Variants in DLG2 observed in about 807,000 individuals in gnomAD.
The protein encoded by DLG2 is disks large homolog 2.
Under a neutral mutation model 132.5 loss-of-function variants are expected in DLG2, and 45 were observed. The observed-to-expected ratio is 0.34, with a 90% CI of 0.27 to 0.44. The LOEUF (loss-of-function observed/expected upper bound fraction) is 0.44. Among genes scored for constraint, DLG2 ranks in the 20% least tolerant of loss-of-function variants. The pLI is 1.00. For missense variants in DLG2, 1,045 were observed against 1,196.9 expected (o/e 0.87, Z 1.87); for synonymous variants, 424 against 419.6 (o/e 1.01, Z -0.13).
intron 3 of DLG2, among the ~76,000 whole-genome samples, chr11:85,532,898 C>T (rs183808959): frequency 2.3e-4 from 35 of 151,880 alleles, no homozygotes; most frequent in Middle Eastern, 6.8e-3. Context: ...AAAAATTCCA[C>T]GAAACAAAAA....
At chr11:85,099,097 T>C (rs551339537) in intron 6 of DLG2, among the ~76,000 whole-genome samples, 1 of 152,314 alleles carries the variant, frequency 6.6e-6, no homozygotes, top group East Asian at 1.9e-4. Context: ...TCAAGTGCTG[T>C]TAAAAGTTTT....
intron 19 of DLG2, among the ~76,000 whole-genome samples, chr11:83,573,745 G>T (rs926122916): frequency 1.3e-5 from 2 of 152,230 alleles, no homozygotes; most frequent in East Asian, 3.9e-4. Flanking sequence ...AGCAAACTGA[G>T]CCCTGGTATT....
chr11:84,522,192 A>C (rs2099304754), intron 7 of DLG2, among the ~76,000 whole-genome samples: 1 of 152,048 alleles, frequency 6.6e-6, no homozygotes. Flanking sequence ...AAAAAAAAAA[A>C]AAGAAAAGAA....
chr11:84,931,235 G>A (rs1485078748), intron 6 of DLG2, among the ~76,000 whole-genome samples: 1 of 152,002 alleles, frequency 6.6e-6, no homozygotes, highest in Non-Finnish European at 1.5e-5. Flanking sequence ...GGGGTTTCTT[G>A]TACAGTTTAT....
At chr11:84,794,814 C>T (rs2074343055) in intron 6 of DLG2, among the ~76,000 whole-genome samples, 1 of 152,242 alleles carries the variant, frequency 6.6e-6, no homozygotes, top group Admixed American at 6.5e-5. Context: ...ACTCAGCCCC[C>T]TCTGGACTTT....
At chr11:84,202,692 T>C (rs1413504353) in intron 8 of DLG2, among the ~76,000 whole-genome samples, 1 of 152,066 alleles carries the variant, frequency 6.6e-6, no homozygotes, top group African/African-American at 2.4e-5. Context: ...ACATATAAAA[T>C]GGGAGAATAT....
At chr11:85,559,742 A>G (rs1041946512) in intron 3 of DLG2, among the ~76,000 whole-genome samples, 1 of 151,696 alleles carries the variant, frequency 6.6e-6, no homozygotes, top group African/African-American at 2.4e-5. Flanking sequence ...GAAAACTAAC[A>G]ACAAAAAAGC....
chr11:83,620,519 A>G (rs1176780720), intron 19 of DLG2, among the ~76,000 whole-genome samples: 1 of 152,176 alleles, frequency 6.6e-6, no homozygotes, highest in Non-Finnish European at 1.5e-5. Context: ...GGCATAAAAG[A>G]TGAAGAAAGC....
intron 18 of DLG2, among the ~76,000 whole-genome samples, chr11:83,715,417 C>T (rs74472636): frequency 0.012 from 1,846 of 152,260 alleles, 33 homozygotes; most frequent in African/African-American, 0.041. Context: ...TCCTTGCATT[C>T]AAAACCTGGG....
In DLG2 at chr11:85,248,686, C is replaced by A. The variant is rs146212420; in HGVS notation, c.186+36534G>T. Among the ~76,000 whole-genome samples the A allele has an allele frequency of 8.5e-3, 1,296 of 152,088 alleles. 49 individuals are homozygous for A. The highest frequency in any genetic ancestry group is 0.067 in the Admixed American group (1,014 of 15,222). ...TCCACTAAAAACAGGCAATCTCCAG[C>A]AAGGTTACTAAGGTCAAATAGGGAA... On this transcript the variant is annotated intron_variant, in intron 4 of 27. Coordinates refer to ENST00000376104, the MANE Select transcript of DLG2 (RefSeq NM_001142699.3).
chr11:85,158,571 C>G (rs1255725901), intron 4 of DLG2, among the ~76,000 whole-genome samples: 1 of 152,070 alleles, frequency 6.6e-6, no homozygotes. Flanking sequence ...TTTGAAGGGC[C>G]CTGTAATTGT....
chr11:84,331,219 T>A (rs984855648), intron 7 of DLG2, among the ~76,000 whole-genome samples: 87 of 152,130 alleles, frequency 5.7e-4, no homozygotes, highest in African/African-American at 2.0e-3. Context: ...GATCATCTAC[T>A]ATTAATGTGC....
chr11:84,788,650 A>G (rs188603004), intron 6 of DLG2, among the ~76,000 whole-genome samples: 1 of 152,282 alleles, frequency 6.6e-6, no homozygotes. Context: ...TATGTCATAT[A>G]CTAAATAATA....
At chr11:85,080,944 A>T (rs2067153773) in intron 6 of DLG2, among the ~76,000 whole-genome samples, 1 of 152,162 alleles carries the variant, frequency 6.6e-6, no homozygotes, top group Non-Finnish European at 1.5e-5. Flanking sequence ...AAGATGTTAA[A>T]AAGGCTCAAA....
chr11:83,912,184 A>G (rs970375202), intron 15 of DLG2, among the ~76,000 whole-genome samples: 6 of 151,568 alleles, frequency 4.0e-5, no homozygotes, highest in Non-Finnish European at 8.8e-5. Flanking sequence ...TGTCAAATGG[A>G]GACATATGTC....
At chr11:85,439,875 T>C (rs1367447694) in intron 3 of DLG2, among the ~76,000 whole-genome samples, 1 of 152,130 alleles carries the variant, frequency 6.6e-6, no homozygotes, top group Non-Finnish European at 1.5e-5. Context: ...GACTGGATAT[T>C]AGAAAGGAAG....
At chr11:84,767,999 C>A (rs557445535) in intron 6 of DLG2, among the ~76,000 whole-genome samples, 3 of 152,186 alleles carry the variant, frequency 2.0e-5, no homozygotes, top group Admixed American at 2.0e-4. Context: ...GGAAGGAGAA[C>A]AATAAAGAGG....
intron 11 of DLG2, among the ~76,000 whole-genome samples, chr11:84,009,391 C>G (rs891690888): frequency 7.2e-5 from 11 of 152,152 alleles, no homozygotes; most frequent in Non-Finnish European, 1.3e-4. Context: ...GATGCTAACT[C>G]AAGCTTCTAA....
At position 85,409,895 on chromosome 11, in the gene DLG2, G is replaced by A. The variant is rs577470009; in HGVS notation, c.41-124530C>T. On this transcript the variant is annotated intron_variant, in intron 3 of 27. Coordinates refer to ENST00000376104, the MANE Select transcript of DLG2 (RefSeq NM_001142699.3). ...ATTATCATTACTAGATGTTGGAGCT[G>A]CTCAGTTCAACGCATATTAAATTAA... 3.3e-5 allele frequency among the ~76,000 whole-genome samples: 5 copies of A among 151,948 alleles called. No homozygotes were observed. The East Asian group carries it at 9.7e-4, about 29-fold the overall frequency.
Sources: allele counts gnomAD v4.1 joint callset (sites outside exome capture counted in the v4.1 genomes callset), GRCh38; gene constraint gnomAD v4.1.1; transcripts MANE v1.5; gene names NCBI Gene and HGNC (gene_info 2026-07-23, HGNC 2026-07-21).